ZNRF3: variants seen among roughly 807,000 people sequenced by gnomAD.
The protein encoded by ZNRF3 is E3 ubiquitin-protein ligase ZNRF3.
Under a neutral mutation model 72.5 loss-of-function variants are expected in ZNRF3, and 23 were observed. The ratio of observed to expected loss-of-function variants is 0.32; its 90% CI spans 0.23 to 0.45. The LOEUF (loss-of-function observed/expected upper bound fraction) is 0.45. ZNRF3 is among the 20% of genes least tolerant of loss of function. The pLI, the probability that ZNRF3 is intolerant of heterozygous loss-of-function variation, is 1.00. For synonymous variants in ZNRF3, 610 were observed against 545.3 expected, an observed-to-expected ratio of 1.12 and a Z score of -1.65; for missense variants, 1,169 against 1,272.1, an observed-to-expected ratio of 0.92 and a Z score of 1.23.
intron 2 of ZNRF3, among the ~76,000 whole-genome samples, chr22:29,010,344 G>C (rs967584999): frequency 6.6e-6 from 1 of 152,120 alleles, no homozygotes; most frequent in South Asian, 2.1e-4. Context: ...GAGTGGAGTC[G>C]TGTATTTGTC....
chr22:29,010,849 TA>T (rs1181362458), intron 2 of ZNRF3, among the ~76,000 whole-genome samples: 1 of 152,070 alleles, frequency 6.6e-6, no homozygotes, highest in Non-Finnish European at 1.5e-5. Flanking sequence ...TTTCTATTTT[TA>T]GTAGAGATGG....
intron 1 of ZNRF3, among the ~76,000 whole-genome samples, chr22:28,885,226 T>A (rs2033757340): frequency 6.6e-6 from 1 of 152,128 alleles, no homozygotes; most frequent in African/African-American, 2.4e-5. Context: ...CTCAAAGCCC[T>A]GCCTTCATAG....
chr22:29,035,805 C>G (rs1419251728), intron 2 of ZNRF3, among the ~76,000 whole-genome samples: 1 of 152,072 alleles, frequency 6.6e-6, no homozygotes, highest in Non-Finnish European at 1.5e-5. Context: ...CTCTCGAACT[C>G]CTGAACTAAG....
chr22:29,029,670 G>A (rs971567552), intron 2 of ZNRF3, among the ~76,000 whole-genome samples: 4 of 152,094 alleles, frequency 2.6e-5, no homozygotes, highest in Non-Finnish European at 5.9e-5. Context: ...TCATCTCTAG[G>A]GGTAGGTCCT....
chr22:28,975,074 T>C (rs1468631614), intron 1 of ZNRF3, among the ~76,000 whole-genome samples: 1 of 152,214 alleles, frequency 6.6e-6, no homozygotes, highest in Non-Finnish European at 1.5e-5. Flanking sequence ...TTTTTTTCTT[T>C]CTAAGTTTTC....
chr22:29,018,129 T>C, intron 2 of ZNRF3: 1 of 505,518 alleles, frequency 2.0e-6, no homozygotes. Flanking sequence ...AAGGAGAGTC[T>C]TGAACATTAT....
chr22:28,969,990 A>C (rs2035540797), intron 1 of ZNRF3, among the ~76,000 whole-genome samples: 1 of 152,206 alleles, frequency 6.6e-6, no homozygotes. Context: ...ACTCCAAGGA[A>C]TGAAATGCCA....
chr22:29,029,921 A>G (rs980795882), intron 2 of ZNRF3, among the ~76,000 whole-genome samples: 1 of 152,194 alleles, frequency 6.6e-6, no homozygotes, highest in Non-Finnish European at 1.5e-5. Flanking sequence ...ATTAGTTGCC[A>G]TATGCATTGA....
At chr22:28,919,807 C>T (rs1230336578) in intron 1 of ZNRF3, among the ~76,000 whole-genome samples, 1 of 151,568 alleles carries the variant, frequency 6.6e-6, no homozygotes, top group Non-Finnish European at 1.5e-5. Flanking sequence ...ACACCTGGCC[C>T]CCTTTACTCT....
chr22:28,982,250 T>C (rs1338247211), intron 1 of ZNRF3, among the ~76,000 whole-genome samples: 1 of 152,064 alleles, frequency 6.6e-6, no homozygotes, highest in East Asian at 1.9e-4. Flanking sequence ...CACTATATCA[T>C]CTGATATTCC....
At chr22:28,986,914 T>C in intron 1 of ZNRF3, 162 bp from the exon 2 acceptor site, 4 of 906,374 alleles carry the variant, frequency 4.4e-6, no homozygotes, top group Non-Finnish European at 6.4e-6. Context: ...GCTCAGCTCA[T>C]TGTGCTGAAA....
chr22:28,922,225 C>T (rs2034523976), intron 1 of ZNRF3, among the ~76,000 whole-genome samples: 1 of 152,096 alleles, frequency 6.6e-6, no homozygotes, highest in African/African-American at 2.4e-5. Context: ...GATGTTTAAC[C>T]TTTACTTTAA....
chr22:28,889,226 C>T lies in ZNRF3; in HGVS notation c.300+5160C>T, dbSNP rs147363145. 2.9e-3 allele frequency among the ~76,000 whole-genome samples: 435 copies of T among 152,268 alleles called. 4 individuals carry two copies. Among genetic ancestry groups the T allele is most frequent in the Middle Eastern group, 0.01 (3 of 294 alleles). On this transcript the variant is annotated intron_variant, in intron 1 of 8. Transcript: ENST00000544604. ...TTAATTCAAGTCTAATTTTGAACAA[C>T]ATATAATATAGGGGTTCTTAACCTG...
chr22:29,037,325 ACGTTTTCC>A, intron 2 of ZNRF3, among the ~76,000 whole-genome samples: 1 of 152,206 alleles, frequency 6.6e-6, no homozygotes, highest in South Asian at 2.1e-4. Flanking sequence ...TCTAGGCTTC[ACGTTTTCC>A]CACCCACAAA....
At chr22:28,928,184 T>C (rs1298748556) in intron 1 of ZNRF3, among the ~76,000 whole-genome samples, 1 of 152,244 alleles carries the variant, frequency 6.6e-6, no homozygotes, top group African/African-American at 2.4e-5. Context: ...TTTAAAGTTT[T>C]TAAGCCCATA....
intron 4 of ZNRF3, 50 bp from the exon 5 acceptor site, chr22:29,044,730 T>C (rs1391104238): frequency 7.5e-7 from 1 of 1,335,106 alleles, no homozygotes; most frequent in Admixed American, 1.7e-5. Flanking sequence ...ATGTGCCGCT[T>C]ACCAGGCTGG....
intron 1 of ZNRF3, among the ~76,000 whole-genome samples, chr22:28,955,045 T>TTG (rs1569259800): frequency 6.9e-6 from 1 of 145,764 alleles, no homozygotes; most frequent in African/African-American, 2.6e-5. Context: ...TTTTTTTTTT[T>TTG]GTTTTTTTTT....
chr22:29,049,847 A>G lies in ZNRF3; in HGVS notation c.1666A>G (p.Ser556Gly), dbSNP rs1001584242. The change falls in exon 8 of 9, where the codon AGC (serine) becomes GGC (glycine). Residue 556 changes from serine (S) to glycine (G), a missense_variant. Ser to Gly is a moderately conservative substitution (Grantham distance 56). Around this residue, in one of 2 missense-constraint regions of ZNRF3, gnomAD observed 783 missense variants for 731.4 expected, o/e 1.07. Transcript: ENST00000544604. This position sits in a 1 kb window ranked among gnomAD's most constrained non-coding sequence, Gnocchi z 5.2. ...AGGCAGCGACAGCAGCAGCAGCAGCAGCTCCGGCCAGTGCCACTGTTCCTC... is the reference window on the plus strand; with the variant it reads ...AGGCAGCGACAGCAGCAGCAGCAGCGGCTCCGGCCAGTGCCACTGTTCCTC... ...CPGSDSSSSS[S>G]SGQCHCSSSD... 1 of 1,607,182 alleles carries G rather than the reference A, an allele frequency of 6.2e-7. No individual in the cohort carries two copies. The highest frequency in any genetic ancestry group is 1.3e-5 in the African/African-American group (1 of 74,964).
rs565234938 is a variant in ZNRF3 at position 28,913,479 on chromosome 22, AT to A, written c.300+29415del. Among the ~76,000 whole-genome samples the A allele has an allele frequency of 6.8e-3, 1,041 of 152,208 alleles. 6 individuals carry two copies. Among genetic ancestry groups the A allele is most frequent in the Non-Finnish European group, 1.0e-2 (678 of 68,004 alleles). On this transcript the variant is annotated intron_variant, in intron 1 of 8. Coordinates refer to ENST00000544604, the MANE Select transcript of ZNRF3 (RefSeq NM_001206998.2). The stretch of plus-strand genomic sequence containing the variant: ...ACTGGTTCAGTTGGTGTCCTGTTAG[AT>A]TATGAGGATGGAAGGCCAACACCAA...
Sources: allele counts gnomAD v4.1 joint callset (sites outside exome capture counted in the v4.1 genomes callset), GRCh38; gene constraint gnomAD v4.1.1; regional missense constraint gnomAD v4.1.1; non-coding constraint Gnocchi (gnomAD v3.1); transcripts MANE v1.5; gene names NCBI Gene and HGNC (gene_info 2026-07-23, HGNC 2026-07-21).